Variants in PAK1 observed in about 807,000 individuals in gnomAD.
PAK1 encodes the protein serine/threonine-protein kinase PAK 1.
In PAK1, 29 loss-of-function variants were observed where a neutral mutation model predicts 67.4. The ratio of observed to expected loss-of-function variants is 0.43; its 90% CI spans 0.32 to 0.59. PAK1 has a LOEUF of 0.59. Among genes scored for constraint, PAK1 ranks in the 20% least tolerant of loss-of-function variants. The pLI is 0.07. For missense variants in PAK1, 337 were observed against 670.7 expected (o/e 0.50, Z 5.50); for synonymous variants, 223 against 237.4 (o/e 0.94, Z 0.56).
At chr11:77,514,706 T>G in the PAK1 span, among the ~76,000 whole-genome samples, 1 of 152,226 alleles carries the variant, frequency 6.6e-6, no homozygotes, top group Non-Finnish European at 1.5e-5. Flanking sequence ...TGAGGCTTCC[T>G]GGGCAGGGAC....
chr11:77,496,529 G>A, the PAK1 span, among the ~76,000 whole-genome samples: 1 of 152,132 alleles, frequency 6.6e-6, no homozygotes, highest in Admixed American at 6.5e-5. Context: ...AGAGGCTGAG[G>A]TGGGAGGATT....
At chr11:77,431,481 G>C (rs1207100236) in intron 1 of PAK1, among the ~76,000 whole-genome samples, 1 of 152,138 alleles carries the variant, frequency 6.6e-6, no homozygotes. Context: ...CTCTTCAGTG[G>C]TCTTTTCCTC....
intron 1 of PAK1, among the ~76,000 whole-genome samples, chr11:77,451,632 C>T (rs1956859244): frequency 7.1e-6 from 1 of 141,734 alleles, no homozygotes; most frequent in African/African-American, 2.8e-5. Flanking sequence ...CGGCGTCTTG[C>T]TCTGTCGCCC....
chr11:77,415,976 G>GTATTATTATTATTATTATTATTATTAT lies in PAK1; in HGVS notation c.-21-23436_-21-23435insATAATAATAATAATAATAATAATAATA, dbSNP rs71043573. ...TTCTATATGCTTTTTTGTATTCTTT[G>GTATTATTATTATTATTATTATTATTAT]TATTATTATTATTATTATTAGAGAC... On this transcript the variant is annotated intron_variant, in intron 1 of 14. Coordinates refer to ENST00000356341, the MANE Select transcript of PAK1 (RefSeq NM_002576.5). 7.0e-3 allele frequency among the ~76,000 whole-genome samples: 1,026 copies of GTATTATTATTATTATTATTATTATTAT among 147,432 alleles called. 8 individuals are homozygous for GTATTATTATTATTATTATTATTATTAT. The highest frequency in any genetic ancestry group is 0.024 in the African/African-American group (960 of 39,938).
the PAK1 span, among the ~76,000 whole-genome samples, chr11:77,499,212 G>A: frequency 0.78 from 118,238 of 151,380 alleles, 47,346 homozygotes; most frequent in African/African-American, 0.94. Context: ...ATCCTACCAG[G>A]AATATCTATT....
the PAK1 span, among the ~76,000 whole-genome samples, chr11:77,526,137 G>T: frequency 6.6e-6 from 1 of 152,194 alleles, no homozygotes; most frequent in Non-Finnish European, 1.5e-5. Flanking sequence ...CTCTAACAGG[G>T]ACAAATAGCA....
chr11:77,450,408 T>C (rs998159241), intron 1 of PAK1, among the ~76,000 whole-genome samples: 4 of 152,002 alleles, frequency 2.6e-5, no homozygotes, highest in Non-Finnish European at 5.9e-5. Context: ...ATGAAGGAAA[T>C]AGCTGTCTGG....
intron 1 of PAK1, among the ~76,000 whole-genome samples, chr11:77,396,682 A>C (rs1033845898): frequency 1.3e-5 from 2 of 152,234 alleles, no homozygotes; most frequent in Middle Eastern, 3.4e-3. Flanking sequence ...CTCTTTTGAG[A>C]CCTCCCAAAT....
At chr11:77,508,584 T>C in the PAK1 span, among the ~76,000 whole-genome samples, 189 of 151,944 alleles carry the variant, frequency 1.2e-3, no homozygotes, top group Non-Finnish European at 2.1e-3. Flanking sequence ...AATTTGCTCG[T>C]GGTCTCATAA....
chr11:77,375,980 A>G (rs945359208), intron 4 of PAK1, among the ~76,000 whole-genome samples: 2 of 152,232 alleles, frequency 1.3e-5, no homozygotes, highest in Admixed American at 6.5e-5. Flanking sequence ...ACTTGTTCTT[A>G]TAACAAATCC....
At chr11:77,366,156 CA>C (rs1947549986) in intron 5 of PAK1, among the ~76,000 whole-genome samples, 1 of 151,980 alleles carries the variant, frequency 6.6e-6, no homozygotes, top group African/African-American at 2.4e-5. Flanking sequence ...TCCAGATTAA[CA>C]AAGAGAAAGA....
chr11:77,383,200 C>T (rs1950049312), intron 2 of PAK1, among the ~76,000 whole-genome samples: 1 of 151,996 alleles, frequency 6.6e-6, no homozygotes, highest in Non-Finnish European at 1.5e-5. Context: ...ACTGAAATAA[C>T]AGTTTAACAT....
chr11:77,400,827 C>T (rs561121028), intron 1 of PAK1, among the ~76,000 whole-genome samples: 94 of 152,310 alleles, frequency 6.2e-4, no homozygotes, highest in Non-Finnish European at 1.2e-3. Flanking sequence ...AATATTAATT[C>T]GTCAGCTACC....
chr11:77,390,435 A>G (rs1267583851), intron 2 of PAK1, among the ~76,000 whole-genome samples: 2 of 152,088 alleles, frequency 1.3e-5, no homozygotes, highest in Non-Finnish European at 2.9e-5. Flanking sequence ...TTCTGACTTC[A>G]GGTGATCCAC....
intron 9 of PAK1, among the ~76,000 whole-genome samples, chr11:77,346,383 TTG>T (rs1464813401): frequency 6.6e-6 from 1 of 152,186 alleles, no homozygotes; most frequent in African/African-American, 2.4e-5. Context: ...AGAACTGGAC[TTG>T]AACTCTGAGG....
intron 7 of PAK1, 109 bp downstream of exon 7, chr11:77,355,559 G>T: frequency 1.2e-6 from 1 of 840,376 alleles, no homozygotes; most frequent in Non-Finnish European, 2.0e-6. Flanking sequence ...TGTGCCTAAG[G>T]TACCAAGCAT....
intron 2 of PAK1, among the ~76,000 whole-genome samples, chr11:77,387,251 T>TTAG (rs1243208521): frequency 2.6e-5 from 4 of 151,748 alleles, no homozygotes; most frequent in Admixed American, 6.6e-5. Context: ...TTCTGTATTT[T>TTAG]TAGTAGAGAC....
At chr11:77,396,558 G>A (rs1012886460) in intron 1 of PAK1, among the ~76,000 whole-genome samples, 6 of 152,112 alleles carry the variant, frequency 3.9e-5, no homozygotes, top group Non-Finnish European at 5.9e-5. Context: ...ATAAACAAAC[G>A]AATGAATAAA....
chr11:77,406,553 G>A (rs2137873736), intron 1 of PAK1, among the ~76,000 whole-genome samples: 1 of 152,302 alleles, frequency 6.6e-6, no homozygotes, highest in African/African-American at 2.4e-5. Flanking sequence ...TGAGGTGGGT[G>A]GATCACTAGA....
Sources: gnomAD v4.1 joint callset for allele counts (sites outside exome capture counted in the v4.1 genomes callset) on GRCh38, gnomAD v4.1.1 for gene constraint, MANE v1.5 for transcripts, NCBI Gene and HGNC (gene_info 2026-07-23, HGNC 2026-07-21) for gene names.